Variants in RIC1 observed in about 807,000 individuals in gnomAD.
RIC1 encodes the protein RIC1 partner of RAB6A GEF complex.
Under a neutral mutation model 169.0 loss-of-function variants are expected in RIC1, and 88 were observed. The ratio of observed to expected loss-of-function variants is 0.52; its 90% CI spans 0.44 to 0.62. RIC1 has a LOEUF of 0.62. Among genes scored for constraint, RIC1 ranks in the 20% least tolerant of loss-of-function variants. RIC1 has a pLI of 0.00. For missense variants in RIC1, 1,877 were observed against 1,725.5 expected (o/e 1.09, Z -1.56); for synonymous variants, 790 against 601.5 (o/e 1.31, Z -4.59).
chr9:5,694,010 A>G (rs1415956701), intron 3 of RIC1, among the ~76,000 whole-genome samples: 1 of 152,124 alleles, frequency 6.6e-6, no homozygotes, highest in South Asian at 2.1e-4. Flanking sequence ...ACTCCAAAAT[A>G]TAATCAAATC....
chr9:5,682,401 T>G (rs1820906103), intron 2 of RIC1, among the ~76,000 whole-genome samples: 1 of 152,210 alleles, frequency 6.6e-6, no homozygotes, highest in Non-Finnish European at 1.5e-5. Flanking sequence ...AGGATTTTAT[T>G]TCTCTTTCAC....
Position 5,763,502 on chromosome 9 carries a change from G to A in RIC1, c.2475G>A (p.Gln825=), listed in dbSNP as rs149258225. The change falls in exon 19 of 26, where the codon CAG becomes CAA. Residue 825 remains glutamine, a synonymous_variant. Coordinates refer to ENST00000414202, the MANE Select transcript of RIC1 (RefSeq NM_020829.4). This position sits in a 1 kb window ranked among gnomAD's most constrained non-coding sequence, Gnocchi z 5.2. ...TCTGTGTTGTGGAGAGAACCTCTCA[G>A]ATCTACCTCCACCACATTCTACGTC... The part of the protein sequence containing the change: ...FPFCVVERTS[Q]IYLHHILRQL... The A allele has an allele frequency of 1.8e-5, 29 of 1,614,154 alleles. No individual in the cohort carries two copies. In the African/African-American group the frequency reaches 3.3e-4, roughly 19 times the overall value.
intron 23 of RIC1, among the ~76,000 whole-genome samples, chr9:5,771,143 C>G (rs924606932): frequency 1.3e-5 from 2 of 152,182 alleles, no homozygotes; most frequent in East Asian, 3.8e-4. Context: ...CCACATTGTT[C>G]TGCAATCAGC....
intron 3 of RIC1, among the ~76,000 whole-genome samples, chr9:5,707,421 A>G (rs893157629): frequency 6.6e-6 from 1 of 151,850 alleles, no homozygotes; most frequent in Non-Finnish European, 1.5e-5. Flanking sequence ...TAACTTCTCT[A>G]TTTCCTTATT....
intron 14 of RIC1, among the ~76,000 whole-genome samples, chr9:5,754,389 G>C (rs1456568823): frequency 6.6e-6 from 1 of 152,064 alleles, no homozygotes; most frequent in East Asian, 1.9e-4. Flanking sequence ...ATTAATAAAG[G>C]CTCTAGAGTT....
At chr9:5,664,319 A>C (rs893612617) in intron 2 of RIC1, among the ~76,000 whole-genome samples, 43 of 150,236 alleles carry the variant, frequency 2.9e-4, no homozygotes, top group African/African-American at 9.2e-4. Flanking sequence ...AGGCTGAGGC[A>C]GGAGAATTGC....
intron 21 of RIC1, among the ~76,000 whole-genome samples, chr9:5,768,637 C>T (rs1826967022): frequency 6.6e-6 from 1 of 152,162 alleles, no homozygotes; most frequent in Non-Finnish European, 1.5e-5. Flanking sequence ...GCTCTCCTTC[C>T]CTCTTTTCAT....
intron 2 of RIC1, among the ~76,000 whole-genome samples, chr9:5,667,052 T>G (rs1358476802): frequency 6.6e-6 from 1 of 152,232 alleles, no homozygotes; most frequent in Non-Finnish European, 1.5e-5. Flanking sequence ...TGGCTGGATG[T>G]GATGGCTCAT....
intron 3 of RIC1, among the ~76,000 whole-genome samples, chr9:5,710,975 A>T (rs1411772887): frequency 6.6e-6 from 1 of 152,170 alleles, no homozygotes; most frequent in Non-Finnish European, 1.5e-5. Flanking sequence ...AGAACAGGGA[A>T]TGGAGAAGCT....
At chr9:5,777,441 G>T (rs551587101), downstream of RIC1, among the ~76,000 whole-genome samples, 39 of 150,862 alleles carry the variant, frequency 2.6e-4, no homozygotes, top group Non-Finnish European at 5.2e-4. Context: ...GAATACAACA[G>T]AAGTCTGACT....
At chr9:5,638,342 G>A (rs912233685) in intron 1 of RIC1, among the ~76,000 whole-genome samples, 1 of 152,122 alleles carries the variant, frequency 6.6e-6, no homozygotes, top group African/African-American at 2.4e-5. Context: ...TTTGGTATGA[G>A]GGTAATCCTG....
At chr9:5,771,636 C>T (rs1827230312) in intron 23 of RIC1, among the ~76,000 whole-genome samples, 1 of 152,136 alleles carries the variant, frequency 6.6e-6, no homozygotes, top group African/African-American at 2.4e-5. Context: ...AAATTATCAG[C>T]AGTGGACAAG....
In RIC1 at chr9:5,629,173, GC is replaced by G. The variant is rs1817593697; in HGVS notation, c.-135del. The G allele has an allele frequency of 1.2e-6, 1 of 858,972 alleles. No homozygotes were observed. The highest frequency in any genetic ancestry group is 4.4e-5 in the Admixed American group (1 of 22,514). 53.2% of individuals were successfully genotyped at this position (858,972 alleles called of 1,614,324 possible). On this transcript the variant is annotated 5_prime_UTR_variant, in exon 1 of 26. Transcript: ENST00000414202. ...CCTTGCGTCGGCCCGGCCCGGCCAG[GC>G]CAGCGGGCAGATGCCCCGAGCTGCC...
intron 2 of RIC1, among the ~76,000 whole-genome samples, chr9:5,665,758 G>T (rs1819715612): frequency 6.6e-6 from 1 of 152,096 alleles, no homozygotes; most frequent in South Asian, 2.1e-4. Context: ...GTACCTGGAG[G>T]TATCACCAGG....
At chr9:5,772,007 C>G (rs1163213213) in intron 23 of RIC1, among the ~76,000 whole-genome samples, 1 of 152,066 alleles carries the variant, frequency 6.6e-6, no homozygotes, top group Admixed American at 6.6e-5. Flanking sequence ...TTCCTTGGTA[C>G]CATCAAATAT....
rs543347841 is a variant in RIC1 at position 5,741,778 on chromosome 9, T to A, written c.902-1091T>A. ...TCTGAAGCCTTTCTGAGTCTGTTTC[T>A]GCCATGTCTTGATTCTTTGTGTTCT... On this transcript the variant is annotated intron_variant, in intron 8 of 25. Transcript: ENST00000414202. Among the ~76,000 whole-genome samples, 28 of 152,344 alleles carry A rather than the reference T, an allele frequency of 1.8e-4. No individual in the cohort carries two copies. The East Asian group carries it at 5.0e-3, about 27-fold the overall frequency.
At chr9:5,689,345 C>T (rs1272608694) in intron 2 of RIC1, among the ~76,000 whole-genome samples, 1 of 152,100 alleles carries the variant, frequency 6.6e-6, no homozygotes, top group African/African-American at 2.4e-5. Context: ...GCCACCGCGC[C>T]CGGCCTACAA....
At chr9:5,760,635 A>G (rs1826270987) in intron 17 of RIC1, among the ~76,000 whole-genome samples, 1 of 152,160 alleles carries the variant, frequency 6.6e-6, no homozygotes, top group East Asian at 1.9e-4. Flanking sequence ...ACTGTTATCC[A>G]GGTGTCTGAC....
At chr9:5,651,153 G>A (rs575069621) in intron 1 of RIC1, among the ~76,000 whole-genome samples, 3 of 152,278 alleles carry the variant, frequency 2.0e-5, no homozygotes, top group South Asian at 2.1e-4. Context: ...AGGAGTCCGT[G>A]GTGGGAGTGT....
Sources: gnomAD v4.1 joint callset for allele counts (sites outside exome capture counted in the v4.1 genomes callset) on GRCh38, gnomAD v4.1.1 for gene constraint, Gnocchi (gnomAD v3.1) non-coding constraint, MANE v1.5 for transcripts, NCBI Gene and HGNC (gene_info 2026-07-23, HGNC 2026-07-21) for gene names.